The following RGL1 variants were observed in gnomAD, a reference collection of about 807,000 sequenced individuals.
The protein encoded by RGL1 is ral guanine nucleotide dissociation stimulator like 1.
RGL1 carries 24 observed loss-of-function variants against 95.2 expected under a neutral mutation model. The observed-to-expected ratio is 0.25, with a 90% confidence interval of 0.18 to 0.35. The LOEUF is 0.35. Among genes scored for constraint, RGL1 ranks in the 10% least tolerant of loss-of-function variants. RGL1 has a pLI of 1.00. For missense variants in RGL1, 715 were observed against 936.3 expected (o/e 0.76, Z 3.08); for synonymous variants, 329 against 344.9 (o/e 0.95, Z 0.51).
intron 1 of RGL1, among the ~76,000 whole-genome samples, chr1:183,714,162 T>C (rs957743230): frequency 2.6e-5 from 4 of 152,244 alleles, no homozygotes; most frequent in Admixed American, 2.6e-4. Context: ...GGGGAAGTTT[T>C]CCTCTTATTG....
chr1:183,906,859 C>G (rs1043538719), intron 13 of RGL1, among the ~76,000 whole-genome samples, 153 bp from the exon 14 acceptor site: 12 of 152,180 alleles, frequency 7.9e-5, no homozygotes, highest in Non-Finnish European at 1.3e-4. Context: ...GAAGTCAGTA[C>G]CCCCTGACGT....
chr1:183,644,677 T>C (rs1650164142), intron 1 of RGL1, among the ~76,000 whole-genome samples: 1 of 152,148 alleles, frequency 6.6e-6, no homozygotes, highest in Non-Finnish European at 1.5e-5. Flanking sequence ...TTTTTAAATT[T>C]ATTTATGTGG....
chr1:183,793,941 A>T (rs1179516850), intron 2 of RGL1, among the ~76,000 whole-genome samples: 1 of 152,090 alleles, frequency 6.6e-6, no homozygotes, highest in Non-Finnish European at 1.5e-5. Context: ...AAAGGAAATT[A>T]GTATATCGAA....
intron 15 of RGL1, among the ~76,000 whole-genome samples, chr1:183,915,551 T>C (rs1390152181): frequency 1.3e-5 from 2 of 152,218 alleles, no homozygotes; most frequent in Non-Finnish European, 1.5e-5. Context: ...TACTAGCAAA[T>C]GTGGAAAGTG....
intron 2 of RGL1, among the ~76,000 whole-genome samples, chr1:183,748,595 T>G (rs1657799881): frequency 6.6e-6 from 1 of 151,842 alleles, no homozygotes; most frequent in South Asian, 2.1e-4. Context: ...TTAGTAGAGT[T>G]GGGGGTCTCA....
At chr1:183,696,635 T>C (rs1357289256) in intron 1 of RGL1, among the ~76,000 whole-genome samples, 1 of 152,186 alleles carries the variant, frequency 6.6e-6, no homozygotes, top group Admixed American at 6.5e-5. Flanking sequence ...CAAGATAATG[T>C]TCTCTCCAAT....
intron 7 of RGL1, among the ~76,000 whole-genome samples, chr1:183,886,631 T>TAAA (rs1667124946): frequency 6.6e-6 from 1 of 152,214 alleles, no homozygotes; most frequent in Admixed American, 6.5e-5. Context: ...CATGTGCTAA[T>TAAA]AAAGCCAAGG....
chr1:183,732,713 T>C (rs1030906029), intron 1 of RGL1, among the ~76,000 whole-genome samples: 4 of 152,286 alleles, frequency 2.6e-5, no homozygotes, highest in African/African-American at 9.6e-5. Context: ...GCTGGTGCTA[T>C]TGTGAAGGCC....
upstream of RGL1, among the ~76,000 whole-genome samples, chr1:183,802,494 AG>A (rs1661045678): frequency 6.6e-6 from 1 of 150,700 alleles, no homozygotes; most frequent in Admixed American, 6.7e-5. Flanking sequence ...GGATTTCGGA[AG>A]GGATTGCATT....
chr1:183,886,660 G>A (rs1259307819), intron 7 of RGL1, among the ~76,000 whole-genome samples: 2 of 151,638 alleles, frequency 1.3e-5, no homozygotes, highest in Non-Finnish European at 2.9e-5. Flanking sequence ...TTTTTTTTTG[G>A]TGATATCACT....
chr1:183,911,996 A>G (rs1286666556), intron 14 of RGL1, 86 bp from the exon 15 acceptor site: 33 of 1,163,930 alleles, frequency 2.8e-5, no homozygotes, highest in Non-Finnish European at 3.8e-5. Context: ...AAAAACATCA[A>G]GGGCTTAATC....
upstream of RGL1, among the ~76,000 whole-genome samples, chr1:183,802,171 C>A (rs1661029669): frequency 6.6e-6 from 1 of 152,078 alleles, no homozygotes; most frequent in Non-Finnish European, 1.5e-5. Flanking sequence ...AATGTTTTCC[C>A]AGCACCATTT....
At chr1:183,884,592 T>C in intron 6 of RGL1, 131 bp from the exon 7 acceptor site, 1 of 702,646 alleles carries the variant, frequency 1.4e-6, no homozygotes, top group East Asian at 2.7e-5. Context: ...ATGGACACCA[T>C]GAGACAAATC....
rs1572300253 is a variant in RGL1, at chr1:183,704,381, T to TCACA, written c.-32-37745_-32-37744insCACA. ...AATATATGTTGATCTGTTGTCTGGCTGCTAGAGTGAGAGCTTGAGTGAGGG... is the reference window on the plus strand; with the variant it reads ...AATATATGTTGATCTGTTGTCTGGCTCACAGCTAGAGTGAGAGCTTGAGTGAGGG... On this transcript the variant is annotated intron_variant, in intron 1 of 18. Transcript: ENST00000304685. 2.6e-5 allele frequency among the ~76,000 whole-genome samples: 4 copies of TCACA among 152,318 alleles called. No homozygotes were observed. In the East Asian group the frequency reaches 7.7e-4, roughly 29 times the overall value.
At chr1:183,876,925 G>T (rs1666529074) in intron 4 of RGL1, among the ~76,000 whole-genome samples, 1 of 152,208 alleles carries the variant, frequency 6.6e-6, no homozygotes, top group Non-Finnish European at 1.5e-5. Context: ...CTTCTGGCAA[G>T]TAGTTGTAAG....
intron 4 of RGL1, among the ~76,000 whole-genome samples, chr1:183,869,803 G>A (rs1666057692): frequency 6.6e-6 from 1 of 152,158 alleles, no homozygotes; most frequent in Non-Finnish European, 1.5e-5. Flanking sequence ...GTAATGTATT[G>A]CAAATTTCCT....
chr1:183,647,900 C>G, intron 1 of RGL1: 1 of 1,614,132 alleles, frequency 6.2e-7, no homozygotes. Context: ...GAGGCACTAG[C>G]ACAAAAACAA....
chr1:183,897,896 T>C lies in RGL1; in HGVS notation c.1229T>C (p.Met410Thr). Residue 410 changes from methionine (M) to threonine (T), a missense_variant and splice_region_variant, in exon 10 of 18, where the codon ATG becomes ACG. Met to Thr is a moderately conservative substitution (Grantham distance 81, BLOSUM62 -1). Coordinates refer to ENST00000360851, the MANE Select transcript of RGL1 (RefSeq NM_001297671.3). ...TQRRLQLQKD[M>T]GVMQGTVPYL... ...AGGCGGCTGCAGCTCCAGAAGGACA[T>C]GGTATGTCTGGCCCTCGTCTTCCCT... The C allele has an allele frequency of 6.2e-7, 1 of 1,612,876 alleles. No homozygotes were observed. Among genetic ancestry groups the C allele is most frequent in the South Asian group, 1.1e-5 (1 of 91,034 alleles).
chr1:183,801,462 T>C (rs140127959), upstream of RGL1, among the ~76,000 whole-genome samples: 135 of 152,298 alleles, frequency 8.9e-4, no homozygotes, highest in African/African-American at 3.1e-3. Flanking sequence ...TTCACTCTAT[T>C]GATTGTTTCA....
Sources: allele counts gnomAD v4.1 joint callset (sites outside exome capture counted in the v4.1 genomes callset), GRCh38; gene constraint gnomAD v4.1.1; transcripts MANE v1.5; gene names NCBI Gene and HGNC (gene_info 2026-07-23, HGNC 2026-07-21).